DLGAP1: variants seen among roughly 807,000 people sequenced by gnomAD.
DLGAP1 encodes disks large-associated protein 1.
Under a neutral mutation model 90.8 loss-of-function variants are expected in DLGAP1, and 11 were observed. The ratio of observed to expected loss-of-function variants is 0.12; its 90% CI spans 0.08 to 0.20. The LOEUF (loss-of-function observed/expected upper bound fraction) is 0.20. Ranked by LOEUF, DLGAP1 falls within the 10% of genes least tolerant of loss-of-function variation. DLGAP1 has a pLI of 1.00. For missense variants in DLGAP1, 1,050 were observed against 1,333.8 expected (o/e 0.79, Z 3.31); for synonymous variants, 558 against 540.7 (o/e 1.03, Z -0.44).
chr18:3,507,706 A>C (rs781638464), intron 11 of DLGAP1, among the ~76,000 whole-genome samples: 16 of 150,784 alleles, frequency 1.1e-4, no homozygotes, highest in Admixed American at 3.3e-4. Flanking sequence ...AGCTTGACCA[A>C]CAATTGAGCA....
chr18:3,898,070 A>AG (rs2071692953), intron 3 of DLGAP1, among the ~76,000 whole-genome samples: 1 of 152,194 alleles, frequency 6.6e-6, no homozygotes, highest in African/African-American at 2.4e-5. Flanking sequence ...CTGGGATTAC[A>AG]GGCGTGAGCC....
At chr18:4,026,668 T>A (rs1051388398) in intron 2 of DLGAP1, among the ~76,000 whole-genome samples, 1 of 152,204 alleles carries the variant, frequency 6.6e-6, no homozygotes, top group African/African-American at 2.4e-5. Context: ...GTAGAAACTA[T>A]CCTTTAGTGG....
At chr18:3,862,097 T>C (rs989124804) in intron 4 of DLGAP1, among the ~76,000 whole-genome samples, 13 of 152,232 alleles carry the variant, frequency 8.5e-5, no homozygotes, top group African/African-American at 3.1e-4. Context: ...ACCAGTACCC[T>C]GGATAGGCCA....
chr18:3,541,368 C>T (rs960708925), intron 9 of DLGAP1, among the ~76,000 whole-genome samples: 1 of 152,124 alleles, frequency 6.6e-6, no homozygotes, highest in Non-Finnish European at 1.5e-5. Flanking sequence ...AAATTTGAAA[C>T]GCCTGAATGC....
At chr18:3,626,588 A>C (rs28670805) in intron 7 of DLGAP1, among the ~76,000 whole-genome samples, 61,726 of 145,010 alleles carry the variant, frequency 0.43, 15,291 homozygotes, top group African/African-American at 0.68. Context: ...CAGAGCAAGA[A>C]CCTGTTAAAA....
At chr18:4,410,540 A>C (rs1416078573) in intron 1 of DLGAP1, among the ~76,000 whole-genome samples, 1 of 152,178 alleles carries the variant, frequency 6.6e-6, no homozygotes, top group African/African-American at 2.4e-5. Context: ...AAAGTATAAA[A>C]CTATATATAA....
At chr18:4,235,504 G>GAA (rs2078389720) in intron 1 of DLGAP1, among the ~76,000 whole-genome samples, 1 of 151,894 alleles carries the variant, frequency 6.6e-6, no homozygotes, top group Non-Finnish European at 1.5e-5. Context: ...AGCTTTGTTT[G>GAA]AACCTGCTGT....
At chr18:4,133,030 G>T (rs534698448) in intron 2 of DLGAP1, among the ~76,000 whole-genome samples, 1 of 152,242 alleles carries the variant, frequency 6.6e-6, no homozygotes, top group South Asian at 2.1e-4. Flanking sequence ...TTTGAAATGG[G>T]GGTAGAACTG....
intron 1 of DLGAP1, among the ~76,000 whole-genome samples, chr18:4,366,683 G>A (rs1470193950): frequency 6.6e-6 from 1 of 151,686 alleles, no homozygotes; most frequent in African/African-American, 2.4e-5. Flanking sequence ...CAATTTATTT[G>A]GCTCTACCTC....
chr18:4,179,931 G>T (rs1012589590), intron 1 of DLGAP1, among the ~76,000 whole-genome samples: 1 of 152,098 alleles, frequency 6.6e-6, no homozygotes, highest in Non-Finnish European at 1.5e-5. Context: ...TTTATCAGTT[G>T]TTTTGGGGTG....
At chr18:4,204,806 C>T (rs1414387159) in intron 1 of DLGAP1, among the ~76,000 whole-genome samples, 1 of 151,914 alleles carries the variant, frequency 6.6e-6, no homozygotes, top group East Asian at 1.9e-4. Context: ...AATTCCTTTC[C>T]TTAAGTTCCC....
intron 1 of DLGAP1, among the ~76,000 whole-genome samples, chr18:4,229,507 C>CG (rs1458191330): frequency 1.3e-5 from 2 of 151,888 alleles, no homozygotes; most frequent in Admixed American, 6.6e-5. Flanking sequence ...AAATAGAGGA[C>CG]CTAGAAACAA....
At chr18:4,336,944 C>CAAAAAAA (rs78000211) in intron 1 of DLGAP1, among the ~76,000 whole-genome samples, 1 of 117,836 alleles carries the variant, frequency 8.5e-6, no homozygotes, top group African/African-American at 3.3e-5. Context: ...ACTGAAAATA[C>CAAAAAAA]AAAAAAAAAA....
chr18:4,265,879 G>A (rs1349155999), intron 1 of DLGAP1, among the ~76,000 whole-genome samples: 2 of 150,910 alleles, frequency 1.3e-5, no homozygotes, highest in African/African-American at 4.9e-5. Context: ...GGAGAGATAG[G>A]GTTTCCCTAT....
chr18:4,149,661 C>T (rs555807319), intron 2 of DLGAP1, among the ~76,000 whole-genome samples: 219 of 152,270 alleles, frequency 1.4e-3, no homozygotes, highest in Non-Finnish European at 2.6e-3. Context: ...AGATCAGTGG[C>T]GGCATTAAAT....
chr18:3,547,736 G>C (rs907482777), intron 9 of DLGAP1, among the ~76,000 whole-genome samples: 2 of 151,970 alleles, frequency 1.3e-5, no homozygotes, highest in African/African-American at 4.8e-5. Flanking sequence ...TCTATTCTTA[G>C]GTATATATCA....
At chr18:4,291,289 T>G (rs2079842464) in intron 1 of DLGAP1, among the ~76,000 whole-genome samples, 2 of 152,208 alleles carry the variant, frequency 1.3e-5, no homozygotes, top group African/African-American at 4.8e-5. Context: ...ACAGGGCTAC[T>G]GGCATTTCTT....
intron 2 of DLGAP1, among the ~76,000 whole-genome samples, chr18:4,092,468 G>T (rs9952576): frequency 0.32 from 49,336 of 151,888 alleles, 8,300 homozygotes; most frequent in African/African-American, 0.4. Flanking sequence ...CATGAGAGAT[G>T]GTTTCTCGTC....
intron 10 of DLGAP1, among the ~76,000 whole-genome samples, chr18:3,523,754 A>G (rs1364863600): frequency 6.6e-6 from 1 of 151,872 alleles, no homozygotes; most frequent in Non-Finnish European, 1.5e-5. Flanking sequence ...AGGCTGAGGC[A>G]GGAGAATGGT....
Sources: gnomAD v4.1 joint callset for allele counts (sites outside exome capture counted in the v4.1 genomes callset) on GRCh38, gnomAD v4.1.1 for gene constraint, MANE v1.5 for transcripts, NCBI Gene and HGNC (gene_info 2026-07-23, HGNC 2026-07-21) for gene names.